Variants in CGAS observed in about 807,000 individuals in gnomAD.
CGAS encodes 2'3'-cGAMP synthase.
In CGAS, 31 loss-of-function variants were observed where a neutral mutation model predicts 34.0. The observed-to-expected ratio is 0.91, with a 90% CI of 0.69 to 1.23. CGAS has a LOEUF of 1.23. CGAS is among the 50% of genes most tolerant of loss of function. CGAS has a pLI of 0.00. For missense variants in CGAS, 597 were observed against 657.6 expected (o/e 0.91, Z 1.01); for synonymous variants, 266 against 260.0 (o/e 1.02, Z -0.22).
intron 1 of CGAS, among the ~76,000 whole-genome samples, chr6:73,446,307 G>A (rs184373699): frequency 6.9e-6 from 1 of 144,098 alleles, no homozygotes; most frequent in East Asian, 2.0e-4. Context: ...TCCAGCCTGG[G>A]CAACAGAGCA....
intron 1 of CGAS, among the ~76,000 whole-genome samples, chr6:73,450,222 G>C (rs1025512230): frequency 6.6e-6 from 1 of 151,822 alleles, no homozygotes; most frequent in African/African-American, 2.4e-5. Flanking sequence ...TTCTAGACCA[G>C]CCTGACCAAC....
chr6:73,445,643 T>C lies in CGAS; in HGVS notation c.762A>G (p.Lys254=), dbSNP rs901364194. The stretch of plus-strand genomic sequence containing the variant: ...TCAGAGGATTTTCTTTCGGATTTCT[T>C]TTAAATTTCACAAAGTAATATGCAC... ...NTRAYYFVKF[K]RNPKENPLSQ... is the part of the protein sequence containing the mutation. The change falls in exon 2 of 5, where the codon AAA becomes AAG. Residue 254 remains lysine (K), a synonymous_variant. Coordinates refer to ENST00000370315, the MANE Select transcript of CGAS (RefSeq NM_138441.3). 1.2e-6 allele frequency: 2 copies of C among 1,613,064 alleles called. No homozygotes were observed. The highest frequency in any genetic ancestry group is 3.3e-5 in the Admixed American group (2 of 59,928).
At position 73,425,455 on chromosome 6, in the gene CGAS, G is replaced by A; in HGVS notation, c.1341C>T (p.Thr447=). The A allele has an allele frequency of 6.2e-7, 1 of 1,613,986 alleles. No homozygotes were observed. Among genetic ancestry groups the A allele is most frequent in the Non-Finnish European group, 8.5e-7 (1 of 1,179,998 alleles). ...HVKTAFFHVC[T]QNPQDSQWDR... The stretch of plus-strand genomic sequence containing the variant: ...CCCACTGACTGTCTTGAGGGTTCTG[G>A]GTACATACGTGAAAGAAGGCAGTTT... Residue 447 remains threonine, a synonymous_variant, in exon 5 of 5, where the codon ACC becomes ACT. Coordinates refer to ENST00000370315, the MANE Select transcript of CGAS (RefSeq NM_138441.3).
intron 4 of CGAS, among the ~76,000 whole-genome samples, chr6:73,428,348 A>G (rs1194249450): frequency 6.6e-6 from 1 of 152,050 alleles, no homozygotes; most frequent in Non-Finnish European, 1.5e-5. Flanking sequence ...GGCCTCCTCC[A>G]ATTATATGGC....
chr6:73,434,338 T>G (rs1367277437), intron 3 of CGAS, among the ~76,000 whole-genome samples: 1 of 152,204 alleles, frequency 6.6e-6, no homozygotes, highest in Non-Finnish European at 1.5e-5. Context: ...GAGGGTCAAC[T>G]GTACATGACT....
intron 4 of CGAS, among the ~76,000 whole-genome samples, chr6:73,427,038 C>T (rs114828559): frequency 0.05 from 7,549 of 151,592 alleles, 284 homozygotes; most frequent in African/African-American, 0.1. Flanking sequence ...TTTGTAGAGA[C>T]GGGGTTTCAT....
chr6:73,449,980 GA>G (rs1352817674), intron 1 of CGAS, among the ~76,000 whole-genome samples: 11 of 151,178 alleles, frequency 7.3e-5, no homozygotes, highest in Non-Finnish European at 1.3e-4. Flanking sequence ...TGGGCAACAA[GA>G]GTGAAACTCC....
chr6:73,451,512 C>T lies in CGAS; in HGVS notation c.657+13G>A. 1.3e-6 allele frequency: 2 copies of T among 1,528,332 alleles called. No individual in the cohort carries two copies. The highest frequency in any genetic ancestry group is 1.8e-6 in the Non-Finnish European group (2 of 1,131,608). 94.7% of individuals were successfully genotyped at this position (1,528,332 alleles called of 1,614,324 possible). ...AGCAGCGGGGCTCGGCGGGAGGGCGCCAAGCAGCTCACCTTCACGTGCTCA... is the reference window on the plus strand; with the variant it reads ...AGCAGCGGGGCTCGGCGGGAGGGCGTCAAGCAGCTCACCTTCACGTGCTCA... On this transcript the variant is annotated intron_variant, in intron 1 of 4. Coordinates refer to ENST00000370315, the MANE Select transcript of CGAS (RefSeq NM_138441.3).
Position 73,451,832 on chromosome 6 carries a change from C to G in CGAS, c.350G>C (p.Arg117Thr), listed in dbSNP as rs774017782. 1 of 1,552,986 alleles carries G rather than the reference C, an allele frequency of 6.4e-7. No homozygotes were observed. Among genetic ancestry groups the G allele is most frequent in the South Asian group, 1.2e-5 (1 of 84,690 alleles). ...PPAAREPALS[R>T]AGSCRQRGAR... The stretch of plus-strand genomic sequence containing the variant: ...GCCCCTCTGGCGGCAAGAACCAGCC[C>G]TGGAAAGAGCCGGCTCCCGAGCCGC... The change falls in exon 1 of 5, where the codon AGG (arginine) becomes ACG (threonine). Residue 117 changes from arginine to threonine, a missense_variant. Transcript: ENST00000370315.
At chr6:73,443,771 T>C (rs1770422473) in intron 2 of CGAS, among the ~76,000 whole-genome samples, 3 of 152,144 alleles carry the variant, frequency 2.0e-5, no homozygotes, top group African/African-American at 2.4e-5. Context: ...ACAACACAAA[T>C]TGCAGTGAGT....
intron 1 of CGAS, among the ~76,000 whole-genome samples, chr6:73,448,962 G>A (rs978292592): frequency 4.6e-5 from 7 of 151,776 alleles, no homozygotes; most frequent in African/African-American, 1.2e-4. Context: ...GGTGACGCCC[G>A]CCTGTAATCC....
At position 73,429,319 on chromosome 6, in the gene CGAS, A is replaced by G. The variant is rs149232719; in HGVS notation, c.1115-508T>C. On this transcript the variant is annotated intron_variant, in intron 3 of 4. Transcript: ENST00000370315. ...TGAGACAAAAAATGGGCCTAACCGA[A>G]AAAAAAAGGAAGTCACAGTTTAATA... 8.2e-3 allele frequency among the ~76,000 whole-genome samples: 1,239 copies of G among 152,016 alleles called. 17 individuals carry two copies. The highest frequency in any genetic ancestry group is 0.028 in the African/African-American group (1,172 of 41,512).
Position 73,424,390 on chromosome 6 carries a change from T to A in CGAS, c.*837A>T, listed in dbSNP as rs1043190529. On this transcript the variant is annotated 3_prime_UTR_variant, in exon 5 of 5. Coordinates refer to ENST00000370315, the MANE Select transcript of CGAS (RefSeq NM_138441.3). ...CAGAGCTTGCAGTGAGCCAAGATCA[T>A]GCCACTGGACTCCAGCCTGGGCGAC... The A allele has an allele frequency of 6.7e-6, 1 of 149,562 alleles. No individual in the cohort carries two copies. The highest frequency in any genetic ancestry group is 2.5e-5 in the African/African-American group (1 of 40,384). 9.3% of individuals were successfully genotyped at this position (149,562 alleles called of 1,614,324 possible).
chr6:73,436,442 T>C (rs1770281006), intron 3 of CGAS, among the ~76,000 whole-genome samples: 1 of 102,864 alleles, frequency 9.7e-6, no homozygotes, highest in African/African-American at 3.5e-5. Flanking sequence ...ATATGTCATA[T>C]AATATAAAAC....
rs1770456259 is a variant in CGAS, at chr6:73,445,620, A to G, written c.785T>C (p.Leu262Pro). Residue 262 changes from leucine to proline, a missense_variant, in exon 2 of 5, where the codon CTG becomes CCG. Coordinates refer to ENST00000370315, the MANE Select transcript of CGAS (RefSeq NM_138441.3). The stretch of plus-strand genomic sequence containing the variant: ...TATTTCACCTTCTAAAAACTGACTC[A>G]GAGGATTTTCTTTCGGATTTCTTTT... Reference protein sequence around the residue: ...KFKRNPKENPLSQFLEGEILS... With the variant: ...KFKRNPKENPPSQFLEGEILS... The G allele has an allele frequency of 2.5e-6, 4 of 1,612,618 alleles. No homozygotes were observed. Among genetic ancestry groups the G allele is most frequent in the Non-Finnish European group, 3.4e-6 (4 of 1,179,404 alleles).
chr6:73,425,461 T>TA lies in CGAS; in HGVS notation c.1334dup (p.Cys446MetfsTer20). ...GACTGTCTTGAGGGTTCTGGGTACA[T>TA]ACGTGAAAGAAGGCAGTTTTCACAT... On this transcript the variant is annotated frameshift_variant, in exon 5 of 5. Coordinates refer to ENST00000370315, the MANE Select transcript of CGAS (RefSeq NM_138441.3). LOFTEE classifies it low-confidence loss of function (END_TRUNC). The TA allele has an allele frequency of 6.2e-7, 1 of 1,614,166 alleles. No homozygotes were observed. Among genetic ancestry groups the TA allele is most frequent in the Non-Finnish European group, 8.5e-7 (1 of 1,180,034 alleles).
intron 1 of CGAS, among the ~76,000 whole-genome samples, chr6:73,448,531 C>T (rs1167229262): frequency 6.6e-6 from 1 of 152,192 alleles, no homozygotes; most frequent in Non-Finnish European, 1.5e-5. Flanking sequence ...AACATATGGA[C>T]TGACAATTCT....
chr6:73,451,939 G>C lies in CGAS; in HGVS notation c.243C>G (p.Ala81=). Residue 81 remains alanine, a synonymous_variant, in exon 1 of 5, where the codon GCC becomes GCG. Coordinates refer to ENST00000370315, the MANE Select transcript of CGAS (RefSeq NM_138441.3). ...CCTGGGCGCGCTGAGGGGCCTTTTT[G>C]GCGCGGGCCCCAGTTGCGCGGACGG... ...RPPVRATGAR[A]KKAPQRAQDT... The C allele has an allele frequency of 6.7e-7, 1 of 1,498,668 alleles. No homozygotes were observed. The allele number at this position is 1,498,668 out of a possible 1,614,324, so 92.8% of individuals were successfully genotyped here.
chr6:73,436,748 C>T (rs528249599), intron 3 of CGAS, among the ~76,000 whole-genome samples: 16 of 151,718 alleles, frequency 1.1e-4, no homozygotes, highest in South Asian at 2.1e-4. Context: ...GTCTCGAACT[C>T]CTGAGCTCAA....
Sources: allele counts gnomAD v4.1 joint callset (sites outside exome capture counted in the v4.1 genomes callset), GRCh38; gene constraint gnomAD v4.1.1; transcripts MANE v1.5; gene names NCBI Gene and HGNC (gene_info 2026-07-23, HGNC 2026-07-21).